Variants in ATP6V1G1 observed in about 807,000 individuals in gnomAD.
The protein encoded by ATP6V1G1 is ATPase H+ transporting V1 subunit G1.
A neutral mutation model predicts 14.2 loss-of-function variants in ATP6V1G1; 14 were observed. The observed-to-expected ratio is 0.99, with a 90% CI of 0.65 to 1.55. The LOEUF (loss-of-function observed/expected upper bound fraction) is 1.55, where lower values mean the gene tolerates loss of function less well. Among genes scored for constraint, ATP6V1G1 ranks in the 40% most tolerant of loss-of-function variants. ATP6V1G1 has a pLI of 0.00. For missense variants in ATP6V1G1, 137 were observed against 146.4 expected, an observed-to-expected ratio of 0.94 and a Z score of 0.33; for synonymous variants, 65 against 53.3, an observed-to-expected ratio of 1.22 and a Z score of -0.96.
chr9:114,596,725 C>T (rs1439818481), intron 2 of ATP6V1G1, among the ~76,000 whole-genome samples: 1 of 152,104 alleles, frequency 6.6e-6, no homozygotes, highest in South Asian at 2.1e-4. Context: ...TCTCGAATAG[C>T]TGAGACTACA....
rs530588639 is a variant in ATP6V1G1, at chr9:114,587,837, C to G, written c.-2C>G. 200 of 1,588,060 alleles carry G rather than the reference C, an allele frequency of 1.3e-4. 1 individual carries two copies. The South Asian group carries it at 2.1e-3, about 17-fold the overall frequency. On this transcript the variant is annotated 5_prime_UTR_variant, in exon 1 of 3. Transcript: ENST00000374050. The stretch of plus-strand genomic sequence containing the variant: ...TGCCTTGCTCTCAGAATCGCTGCCG[C>G]CATGGCTAGTCAGTCTCAGGGGATT...
intron 1 of ATP6V1G1, chr9:114,588,158 G>C: frequency 1.8e-6 from 1 of 556,860 alleles, no homozygotes; most frequent in East Asian, 3.0e-5. Context: ...TACCGTCCTT[G>C]GGGCCTGGAG....
At chr9:114,592,993 A>T (rs1845200361) in intron 2 of ATP6V1G1, among the ~76,000 whole-genome samples, 1 of 152,232 alleles carries the variant, frequency 6.6e-6, no homozygotes. Flanking sequence ...AGGGAGACTC[A>T]GTAATACAGT....
At chr9:114,589,221 C>G (rs1343319806) in intron 1 of ATP6V1G1, among the ~76,000 whole-genome samples, 2 of 152,176 alleles carry the variant, frequency 1.3e-5, no homozygotes, top group African/African-American at 4.8e-5. Flanking sequence ...GTGCAATAAC[C>G]TGTTTGTTTA....
At chr9:114,589,247 A>G (rs1325667653) in intron 1 of ATP6V1G1, among the ~76,000 whole-genome samples, 1 of 152,184 alleles carries the variant, frequency 6.6e-6, no homozygotes, top group African/African-American at 2.4e-5. Flanking sequence ...CTCAGTCACT[A>G]GACTAAGCTT....
chr9:114,591,213 TG>T (rs1339700767), intron 1 of ATP6V1G1, among the ~76,000 whole-genome samples: 1 of 152,258 alleles, frequency 6.6e-6, no homozygotes, highest in Admixed American at 6.5e-5. Flanking sequence ...TACGATTTTC[TG>T]TTTAAATATT....
chr9:114,595,098 C>G (rs375411154), intron 2 of ATP6V1G1, among the ~76,000 whole-genome samples: 3 of 150,986 alleles, frequency 2.0e-5, no homozygotes, highest in African/African-American at 7.3e-5. Context: ...GAACTCCTGA[C>G]CTCAGGTGAT....
chr9:114,596,270 C>T (rs1039495874), intron 2 of ATP6V1G1, among the ~76,000 whole-genome samples: 8 of 151,906 alleles, frequency 5.3e-5, no homozygotes, highest in Non-Finnish European at 1.2e-4. Context: ...CGCCTGTAGT[C>T]CCAGCTACTC....
intron 2 of ATP6V1G1, among the ~76,000 whole-genome samples, chr9:114,593,234 A>G (rs1346264037): frequency 6.6e-6 from 1 of 152,240 alleles, no homozygotes; most frequent in East Asian, 1.9e-4. Flanking sequence ...AAAAGAAACT[A>G]TCAGGACTCT....
intron 1 of ATP6V1G1, among the ~76,000 whole-genome samples, chr9:114,591,179 A>T (rs1845178874): frequency 6.6e-6 from 1 of 152,246 alleles, no homozygotes; most frequent in South Asian, 2.1e-4. Context: ...TGTAAGGCCC[A>T]AGAAGAACAA....
chr9:114,591,408 C>T (rs986991122), intron 1 of ATP6V1G1, among the ~76,000 whole-genome samples: 4 of 152,054 alleles, frequency 2.6e-5, no homozygotes, highest in African/African-American at 4.8e-5. Context: ...TTGTTGGTTT[C>T]GAAAGTATCT....
chr9:114,588,800 C>G (rs1158614981), intron 1 of ATP6V1G1, among the ~76,000 whole-genome samples: 1 of 152,154 alleles, frequency 6.6e-6, no homozygotes, highest in Non-Finnish European at 1.5e-5. Context: ...TTCTAAAATG[C>G]AAATATGTGA....
At chr9:114,597,040 G>GAGT (rs1185674365) in intron 2 of ATP6V1G1, among the ~76,000 whole-genome samples, 1 of 146,290 alleles carries the variant, frequency 6.8e-6, no homozygotes, top group Admixed American at 6.9e-5. Flanking sequence ...GCCCAGGCTG[G>GAGT]AGTGCAGTGG....
At chr9:114,595,409 T>G (rs1845227664) in intron 2 of ATP6V1G1, among the ~76,000 whole-genome samples, 1 of 152,126 alleles carries the variant, frequency 6.6e-6, no homozygotes, top group African/African-American at 2.4e-5. Flanking sequence ...GCTAGCATTT[T>G]GGGAGGCCAA....
At chr9:114,594,463 G>A (rs1239372291) in intron 2 of ATP6V1G1, among the ~76,000 whole-genome samples, 1 of 147,272 alleles carries the variant, frequency 6.8e-6, no homozygotes. Context: ...AGTTCACTAC[G>A]ACCTCCACCT....
At chr9:114,588,241 A>C (rs1845146984) in intron 1 of ATP6V1G1, 1 of 295,016 alleles carries the variant, frequency 3.4e-6, no homozygotes, top group East Asian at 6.1e-5. Context: ...TGGGGTGGTC[A>C]GTCTCGGTGA....
chr9:114,592,629 G>A lies in ATP6V1G1; in HGVS notation c.160G>A (p.Glu54Lys). Reference protein sequence around the residue: ...IEQYRLQREKEFKAKEAAALG... With the variant: ...IEQYRLQREKKFKAKEAAALG... The stretch of plus-strand genomic sequence containing the variant: ...ACAGTACCGCCTGCAGAGGGAGAAA[G>A]AATTCAAGGCCAAGGAAGCTGCGGT... Residue 54 changes from glutamate (E) to lysine (K), a missense_variant, in exon 2 of 3, where the codon GAA (glutamate) becomes AAA (lysine). Glu to Lys is a moderately conservative substitution (Grantham distance 56). Coordinates refer to ENST00000374050, the MANE Select transcript of ATP6V1G1 (RefSeq NM_004888.4). 1 of 1,578,006 alleles carries A rather than the reference G, an allele frequency of 6.3e-7. No individual in the cohort carries two copies. Among genetic ancestry groups the A allele is most frequent in the South Asian group, 1.2e-5 (1 of 85,910 alleles).
intron 2 of ATP6V1G1, 79 bp from the exon 3 acceptor site, chr9:114,597,491 C>T: frequency 7.3e-7 from 1 of 1,369,506 alleles, no homozygotes; most frequent in Middle Eastern, 2.7e-4. Flanking sequence ...CAAAAGTCAA[C>T]AAGTAGCTTA....
intron 1 of ATP6V1G1, among the ~76,000 whole-genome samples, chr9:114,591,773 C>T (rs1488597704): frequency 2.0e-5 from 3 of 151,532 alleles, no homozygotes; most frequent in African/African-American, 7.3e-5. Flanking sequence ...GTCTTTTGCT[C>T]TCAAATAAAT....
Sources: allele counts gnomAD v4.1 joint callset (sites outside exome capture counted in the v4.1 genomes callset), GRCh38; gene constraint gnomAD v4.1.1; transcripts MANE v1.5; gene names NCBI Gene and HGNC (gene_info 2026-07-23, HGNC 2026-07-21).